Variants in IMMP1L observed in about 807,000 individuals in gnomAD.
IMMP1L encodes mitochondrial inner membrane protease subunit 1.
A neutral mutation model predicts 21.8 loss-of-function variants in IMMP1L; 24 were observed. That is an observed-to-expected ratio of 1.10 (90% CI 0.80 to 1.55). The LOEUF is 1.55. IMMP1L is among the 40% of genes most tolerant of loss of function. IMMP1L has a pLI of 0.00. For synonymous variants in IMMP1L, 46 were observed against 62.8 expected (o/e 0.73, Z 1.26); for missense variants, 195 against 200.7 (o/e 0.97, Z 0.17).
intron 4 of IMMP1L, among the ~76,000 whole-genome samples, chr11:31,446,752 T>C (rs1184415448): frequency 6.6e-6 from 1 of 152,174 alleles, no homozygotes; most frequent in Admixed American, 6.5e-5. Context: ...TTTCCCATTC[T>C]GGAAAAATCC....
intron 3 of IMMP1L, 53 bp downstream of exon 3, chr11:31,460,573 A>ATG: frequency 2.8e-6 from 3 of 1,082,644 alleles, no homozygotes; most frequent in Non-Finnish European, 4.2e-6. Flanking sequence ...AAAAGCCACA[A>ATG]TGTGTGTGTG....
At chr11:31,459,320 T>C (rs1044082422) in intron 3 of IMMP1L, among the ~76,000 whole-genome samples, 6 of 152,088 alleles carry the variant, frequency 3.9e-5, no homozygotes, top group African/African-American at 9.7e-5. Context: ...CAAAGGTGAA[T>C]AGTGAAAGAG....
chr11:31,485,656 A>G (rs536085490), intron 1 of IMMP1L, among the ~76,000 whole-genome samples: 1 of 152,060 alleles, frequency 6.6e-6, no homozygotes, highest in Admixed American at 6.5e-5. Context: ...GATTTTAAAT[A>G]TGAGTCAAAC....
chr11:31,476,400 A>G lies in IMMP1L; in HGVS notation c.-29-13095T>C, dbSNP rs193002627. ...CCCGGGAACTCTGTATAAATTTATT[A>G]TATTTGCTGACTTTTCTAGTAAAGA... is the stretch of plus-strand genomic sequence containing the variant. On this transcript the variant is annotated intron_variant, in intron 1 of 5. Coordinates refer to ENST00000532287, the MANE Select transcript of IMMP1L (RefSeq NM_001304274.2). 3.0e-3 allele frequency among the ~76,000 whole-genome samples: 456 copies of G among 152,182 alleles called. 9 individuals carry two copies. Among genetic ancestry groups the G allele is most frequent in the African/African-American group, 0.011 (446 of 41,554 alleles).
At chr11:31,499,133 G>A (rs1955539254) in intron 1 of IMMP1L, among the ~76,000 whole-genome samples, 1 of 152,142 alleles carries the variant, frequency 6.6e-6, no homozygotes, top group Non-Finnish European at 1.5e-5. Flanking sequence ...GGAAGGCCAA[G>A]GTGCACGGAT....
At chr11:31,457,789 T>C (rs1335880873) in intron 3 of IMMP1L, among the ~76,000 whole-genome samples, 2 of 152,162 alleles carry the variant, frequency 1.3e-5, no homozygotes, top group Admixed American at 1.3e-4. Flanking sequence ...TATCAGAAAT[T>C]TTACACAGAG....
intron 1 of IMMP1L, among the ~76,000 whole-genome samples, chr11:31,466,692 T>G (rs1161225023): frequency 1.3e-5 from 2 of 151,970 alleles, no homozygotes; most frequent in African/African-American, 4.8e-5. Flanking sequence ...CACTCATCTG[T>G]GGGAGCTTAA....
At chr11:31,504,405 C>A (rs983142131) in intron 1 of IMMP1L, among the ~76,000 whole-genome samples, 7 of 152,152 alleles carry the variant, frequency 4.6e-5, no homozygotes, top group Non-Finnish European at 7.4e-5. Context: ...CATGGATAGA[C>A]CCTTTCACAA....
chr11:31,503,887 C>T (rs1955702114), intron 1 of IMMP1L, among the ~76,000 whole-genome samples: 1 of 152,208 alleles, frequency 6.6e-6, no homozygotes, highest in African/African-American at 2.4e-5. Context: ...CCTGAAGACA[C>T]ACACTAACCA....
chr11:31,456,222 T>G, intron 4 of IMMP1L, 38 bp downstream of exon 4: 9 of 1,453,652 alleles, frequency 6.2e-6, no homozygotes, highest in Non-Finnish European at 8.5e-6. Flanking sequence ...GTTAATCAAT[T>G]ATGACACCAA....
chr11:31,453,460 CAAT>C (rs1207129646), intron 4 of IMMP1L, among the ~76,000 whole-genome samples: 21 of 152,200 alleles, frequency 1.4e-4, no homozygotes, highest in South Asian at 1.0e-3. Context: ...TCATAAACAA[CAAT>C]GATTTTTCTT....
intron 4 of IMMP1L, among the ~76,000 whole-genome samples, chr11:31,445,498 A>G (rs181124338): frequency 2.6e-5 from 4 of 152,366 alleles, no homozygotes; most frequent in Non-Finnish European, 1.5e-5. Flanking sequence ...AGGTTGCCAT[A>G]CTTCAAAAAA....
intron 1 of IMMP1L, among the ~76,000 whole-genome samples, chr11:31,475,990 T>G (rs922484686): frequency 6.6e-6 from 1 of 152,186 alleles, no homozygotes; most frequent in Non-Finnish European, 1.5e-5. Flanking sequence ...CTGTTTTGAA[T>G]GCAAAACTAC....
At chr11:31,456,849 A>G (rs1465176849) in intron 3 of IMMP1L, among the ~76,000 whole-genome samples, 2 of 121,780 alleles carry the variant, frequency 1.6e-5, no homozygotes, top group Admixed American at 2.0e-4. Flanking sequence ...TCGTGCCACC[A>G]TGGGCAACAG....
At position 31,433,493 on chromosome 11, in the gene IMMP1L, T is replaced by C. The variant is rs1591929979; in HGVS notation, c.399A>G (p.Pro133=). 5 of 1,607,838 alleles carry C rather than the reference T, an allele frequency of 3.1e-6. No homozygotes were observed. The highest frequency in any genetic ancestry group is 4.3e-6 in the Non-Finnish European group (5 of 1,176,186). Residue 133 remains proline (P), a synonymous_variant, in exon 5 of 6, where the codon CCA becomes CCG. Transcript: ENST00000532287. ...AGATTCGTCCTCTTATTAGTCCATA[T>C]GGAATAGGTCCATAGCACCTGGAAT... The part of the protein sequence containing the change: ...STDSRCYGPI[P]YGLIRGRIFF...
chr11:31,489,453 T>C (rs1231769415), intron 1 of IMMP1L, among the ~76,000 whole-genome samples: 2 of 152,218 alleles, frequency 1.3e-5, no homozygotes, highest in Non-Finnish European at 2.9e-5. Context: ...GCAGTTTAAC[T>C]TTGGCGAATG....
chr11:31,443,887 C>CT (rs35207109), intron 4 of IMMP1L, among the ~76,000 whole-genome samples: 1 of 152,168 alleles, frequency 6.6e-6, no homozygotes, highest in African/African-American at 2.4e-5. Flanking sequence ...AAGGGGTATG[C>CT]TTTTTACTAA....
At chr11:31,468,118 A>G (rs527370357) in intron 1 of IMMP1L, among the ~76,000 whole-genome samples, 23 of 152,278 alleles carry the variant, frequency 1.5e-4, no homozygotes, top group Admixed American at 2.6e-4. Flanking sequence ...ACCAAACACA[A>G]TATGAAATCT....
intron 1 of IMMP1L, among the ~76,000 whole-genome samples, chr11:31,466,684 C>T (rs994302108): frequency 1.3e-5 from 2 of 151,886 alleles, no homozygotes; most frequent in Admixed American, 1.3e-4. Flanking sequence ...TATGTTTTCA[C>T]TCATCTGTGG....
Sources: gnomAD v4.1 joint callset for allele counts (sites outside exome capture counted in the v4.1 genomes callset) on GRCh38, gnomAD v4.1.1 for gene constraint, MANE v1.5 for transcripts, NCBI Gene and HGNC (gene_info 2026-07-23, HGNC 2026-07-21) for gene names.